Variants in PPP1R12A observed in about 807,000 individuals in gnomAD.
PPP1R12A encodes the protein myosin binding subunit.
A neutral mutation model predicts 139.6 loss-of-function variants in PPP1R12A; 19 were observed. The ratio of observed to expected loss-of-function variants is 0.14; its 90% CI spans 0.09 to 0.20. PPP1R12A has a LOEUF of 0.20. Ranked by LOEUF, PPP1R12A falls within the 10% of genes least tolerant of loss-of-function variation. The pLI, the probability that PPP1R12A is intolerant of heterozygous loss-of-function variation, is 1.00. For missense variants in PPP1R12A, 925 were observed against 1,211.5 expected (o/e 0.76, Z 3.51); for synonymous variants, 427 against 420.6 (o/e 1.02, Z -0.19).
At chr12:79,889,107 T>G (rs1022764713) in intron 1 of PPP1R12A, among the ~76,000 whole-genome samples, 6 of 152,254 alleles carry the variant, frequency 3.9e-5, no homozygotes, top group African/African-American at 1.2e-4. Flanking sequence ...CCTGGATATT[T>G]TGCAAAGTGA....
At chr12:79,841,583 T>C (rs1354712748) in intron 3 of PPP1R12A, among the ~76,000 whole-genome samples, 1 of 152,200 alleles carries the variant, frequency 6.6e-6, no homozygotes. Flanking sequence ...ATTTCCCTTA[T>C]ACAGAAGGAA....
chr12:79,877,581 T>C (rs1314053483), intron 1 of PPP1R12A, among the ~76,000 whole-genome samples: 1 of 152,184 alleles, frequency 6.6e-6, no homozygotes, highest in Non-Finnish European at 1.5e-5. Context: ...AGCAGCACAA[T>C]CTCGGCTCAA....
intron 2 of PPP1R12A, 79 bp from the exon 3 acceptor site, chr12:79,845,499 G>T: frequency 1.9e-6 from 2 of 1,039,450 alleles, no homozygotes; most frequent in Non-Finnish European, 1.4e-6. Context: ...AATGAGGAAA[G>T]TTCCTATATA....
At chr12:79,905,900 G>T (rs1886068365) in intron 1 of PPP1R12A, among the ~76,000 whole-genome samples, 1 of 152,138 alleles carries the variant, frequency 6.6e-6, no homozygotes, top group African/African-American at 2.4e-5. Context: ...GAGTAAAACA[G>T]ACTCACATTC....
intron 6 of PPP1R12A, 47 bp from the exon 7 acceptor site, chr12:79,821,213 C>T: frequency 7.6e-7 from 1 of 1,320,236 alleles, no homozygotes; most frequent in Non-Finnish European, 1.1e-6. Context: ...TATTAAGATA[C>T]TATTACTAAG....
At chr12:79,832,588 A>C in intron 3 of PPP1R12A, 97 bp from the exon 4 acceptor site, 1 of 1,278,594 alleles carries the variant, frequency 7.8e-7, no homozygotes, top group Non-Finnish European at 1.0e-6. Context: ...AAATAAAATT[A>C]AAAGTGAAAG....
chr12:79,838,035 G>C (rs1033967909), intron 3 of PPP1R12A, among the ~76,000 whole-genome samples: 2 of 152,166 alleles, frequency 1.3e-5, no homozygotes, highest in Admixed American at 1.3e-4. Context: ...AGTTTAGAGG[G>C]CTCAGAGGAA....
intron 3 of PPP1R12A, among the ~76,000 whole-genome samples, chr12:79,838,788 T>G (rs1220883285): frequency 6.6e-6 from 1 of 152,222 alleles, no homozygotes; most frequent in African/African-American, 2.4e-5. Flanking sequence ...TGGAAAGGCC[T>G]GGATGTCCAG....
At chr12:79,935,241 C>T (rs964871416), upstream of PPP1R12A, 8 of 1,179,640 alleles carry the variant, frequency 6.8e-6, no homozygotes, top group African/African-American at 6.4e-5. Flanking sequence ...AGTGCGCATG[C>T]GCCCTGGGCC....
intron 1 of PPP1R12A, among the ~76,000 whole-genome samples, chr12:79,888,433 A>G (rs1169344676): frequency 2.0e-5 from 3 of 152,202 alleles, no homozygotes; most frequent in African/African-American, 7.2e-5. Context: ...AAAAGTGATC[A>G]GAGAAAGCTA....
rs143117530 is a variant in PPP1R12A at position 79,859,924 on chromosome 12, A to G, written c.368+12884T>C. ...GCAAGACGCTGTCTCAAACAAACCA[A>G]CAAAATTCTATGAGCATTTTATAAT... On this transcript the variant is annotated intron_variant, in intron 2 of 24. Coordinates refer to ENST00000450142, the MANE Select transcript of PPP1R12A (RefSeq NM_002480.3). 5.6e-4 allele frequency among the ~76,000 whole-genome samples: 85 copies of G among 152,248 alleles called. 1 individual carries two copies. The South Asian group carries it at 9.1e-3, about 16-fold the overall frequency.
At chr12:79,815,900 C>G (rs1285124440) in intron 9 of PPP1R12A, among the ~76,000 whole-genome samples, 1 of 152,060 alleles carries the variant, frequency 6.6e-6, no homozygotes, top group Non-Finnish European at 1.5e-5. Context: ...ACCAATGAAA[C>G]CAACACGTTT....
intron 5 of PPP1R12A, among the ~76,000 whole-genome samples, chr12:79,826,860 T>C (rs1483460214): frequency 6.6e-6 from 1 of 152,224 alleles, no homozygotes. Context: ...TTCTCTCATC[T>C]AGTTCTCATC....
At chr12:79,821,264 TTAAA>T in intron 6 of PPP1R12A, 98 bp from the exon 7 acceptor site, 2 of 793,602 alleles carry the variant, frequency 2.5e-6, no homozygotes, top group Admixed American at 2.6e-5. Flanking sequence ...TTTTCAGACA[TTAAA>T]TAAGACAAAA....
At chr12:79,814,076 G>C (rs1353589791) in intron 9 of PPP1R12A, among the ~76,000 whole-genome samples, 1 of 152,096 alleles carries the variant, frequency 6.6e-6, no homozygotes, top group Non-Finnish European at 1.5e-5. Flanking sequence ...TAAAGTTACA[G>C]ATAAACTTGA....
intron 5 of PPP1R12A, chr12:79,825,601 G>A (rs920719635): frequency 2.6e-5 from 4 of 151,626 alleles, no homozygotes; most frequent in African/African-American, 9.7e-5. Context: ...CTATATATTT[G>A]TTACACTTAC....
At chr12:79,872,624 A>G (rs1460187776) in intron 2 of PPP1R12A, among the ~76,000 whole-genome samples, 184 bp downstream of exon 2, 1 of 152,202 alleles carries the variant, frequency 6.6e-6, no homozygotes, top group Non-Finnish European at 1.5e-5. Context: ...GTGGGGAGAC[A>G]AAAAGAAGAT....
intron 1 of PPP1R12A, among the ~76,000 whole-genome samples, chr12:79,891,644 T>C (rs567913864): frequency 6.6e-6 from 1 of 152,254 alleles, no homozygotes; most frequent in South Asian, 2.1e-4. Flanking sequence ...CTAGACTGGG[T>C]GACTTGTTTC....
intron 24 of PPP1R12A, among the ~76,000 whole-genome samples, chr12:79,776,383 C>T (rs1245264499): frequency 1.3e-5 from 2 of 152,152 alleles, no homozygotes; most frequent in African/African-American, 4.8e-5. Context: ...AAGACTTTTG[C>T]TTTTATGTAT....
Sources: allele counts gnomAD v4.1 joint callset (sites outside exome capture counted in the v4.1 genomes callset), GRCh38; gene constraint gnomAD v4.1.1; transcripts MANE v1.5; gene names NCBI Gene and HGNC (gene_info 2026-07-23, HGNC 2026-07-21).